The following DPYD variants were observed in gnomAD, a reference collection of about 807,000 sequenced individuals.
The protein encoded by DPYD is dihydropyrimidine dehydrogenase [NADP(+)].
DPYD carries 109 observed loss-of-function variants against 116.2 expected under a neutral mutation model. The ratio of observed to expected loss-of-function variants is 0.94; its 90% confidence interval spans 0.80 to 1.10. The LOEUF (loss-of-function observed/expected upper bound fraction) is 1.10, where lower values mean the gene tolerates loss of function less well. Ranked by LOEUF, DPYD falls within the 50% of genes least tolerant of loss-of-function variation. The probability of loss-of-function intolerance (pLI) is 0.00; values close to 1 mark genes in which losing one functional copy is unlikely to be tolerated. For missense variants in DPYD, 1,302 were observed against 1,254.5 expected, an observed-to-expected ratio of 1.04 and a Z score of -0.57; for synonymous variants, 440 against 432.0, an observed-to-expected ratio of 1.02 and a Z score of -0.23.
chr1:97,724,975 G>GAGAGAC (rs1663159349), intron 4 of DPYD, among the ~76,000 whole-genome samples: 1 of 150,370 alleles, frequency 6.7e-6, no homozygotes, highest in Non-Finnish European at 1.5e-5. Context: ...GAGAGAGAGA[G>GAGAGAC]AGAGAGAGAG....
At chr1:97,502,572 G>A (rs1679642832) in intron 13 of DPYD, among the ~76,000 whole-genome samples, 1 of 152,008 alleles carries the variant, frequency 6.6e-6, no homozygotes, top group Admixed American at 6.6e-5. Context: ...GATTTAAGAT[G>A]TCAAAGTCCA....
intron 1 of DPYD, among the ~76,000 whole-genome samples, chr1:97,912,757 A>G (rs558016114): frequency 2.0e-5 from 3 of 152,264 alleles, no homozygotes; most frequent in African/African-American, 4.8e-5. Flanking sequence ...ACGGTAACAC[A>G]CGTTACCCCT....
intron 3 of DPYD, among the ~76,000 whole-genome samples, chr1:97,826,897 C>T (rs570810167): frequency 6.6e-6 from 1 of 152,122 alleles, no homozygotes; most frequent in Non-Finnish European, 1.5e-5. Context: ...GGTAATTTCT[C>T]ATACTAGTAA....
intron 11 of DPYD, among the ~76,000 whole-genome samples, chr1:97,562,437 G>A (rs1652216200): frequency 6.6e-6 from 1 of 151,906 alleles, no homozygotes; most frequent in Non-Finnish European, 1.5e-5. Context: ...TACTTGTATG[G>A]AAAAAATGGT....
chr1:97,790,788 C>A (rs1667282046), intron 3 of DPYD, among the ~76,000 whole-genome samples: 1 of 151,832 alleles, frequency 6.6e-6, no homozygotes, highest in Non-Finnish European at 1.5e-5. Flanking sequence ...CTGTTGAGTT[C>A]AAAAGATTCA....
intron 2 of DPYD, among the ~76,000 whole-genome samples, chr1:97,883,056 C>A (rs1431888076): frequency 6.6e-6 from 1 of 151,734 alleles, no homozygotes; most frequent in Non-Finnish European, 1.5e-5. Flanking sequence ...GTTACTCAAC[C>A]TGTATATAAT....
chr1:97,886,212 T>G (rs1672477528), intron 1 of DPYD, among the ~76,000 whole-genome samples: 1 of 152,016 alleles, frequency 6.6e-6, no homozygotes. Context: ...CAGATGGGTA[T>G]AGCTCAAAAC....
intron 16 of DPYD, among the ~76,000 whole-genome samples, chr1:97,359,042 C>A (rs745325787): frequency 1.3e-5 from 2 of 152,002 alleles, no homozygotes; most frequent in Admixed American, 6.6e-5. Flanking sequence ...TCGAACCCAT[C>A]GCAAGGAAGC....
At chr1:97,733,969 C>T (rs1663780524) in intron 4 of DPYD, among the ~76,000 whole-genome samples, 1 of 151,920 alleles carries the variant, frequency 6.6e-6, no homozygotes, top group Non-Finnish European at 1.5e-5. Context: ...TTTGCCTATG[C>T]CTGCACTGAG....
At chr1:97,152,439 TACAC>T (rs71590217) in intron 20 of DPYD, among the ~76,000 whole-genome samples, 31,986 of 145,164 alleles carry the variant, frequency 0.22, 4,033 homozygotes, top group Middle Eastern at 0.34. Context: ...CTGAATCACA[TACAC>T]ACACACACAC....
At chr1:97,384,592 T>C (rs938664235) in intron 14 of DPYD, among the ~76,000 whole-genome samples, 4 of 151,752 alleles carry the variant, frequency 2.6e-5, no homozygotes, top group Non-Finnish European at 2.9e-5. Context: ...GTTAGAGAAG[T>C]GAAAAATAAA....
intron 14 of DPYD, among the ~76,000 whole-genome samples, chr1:97,396,624 G>C (rs1007029988): frequency 2.0e-5 from 3 of 151,946 alleles, no homozygotes; most frequent in African/African-American, 7.2e-5. Context: ...GCATGTTAAG[G>C]GCTGATGATA....
At position 97,593,178 on chromosome 1, in the gene DPYD, T is replaced by C. The variant is rs186163774; in HGVS notation, c.1128+40A>G. ...TAACAGTTTCATCTCCTAAAATCTG[T>C]TGGAGTACAACTCCATATTTTCTGA... is the stretch of plus-strand genomic sequence containing the variant. On this transcript the variant is annotated intron_variant, in intron 10 of 22. Transcript: ENST00000370192. 10 of 1,594,250 alleles carry C rather than the reference T, an allele frequency of 6.3e-6. No individual in the cohort carries two copies. In the African/African-American group the frequency reaches 8.0e-5, roughly 13 times the overall value.
chr1:97,920,779 T>G (rs1214295009), intron 1 of DPYD, 105 bp downstream of exon 1: 1 of 1,462,112 alleles, frequency 6.8e-7, no homozygotes, highest in Non-Finnish European at 9.3e-7. Flanking sequence ...TTCCCGCGTC[T>G]CTCACTCTCC....
chr1:97,608,745 T>C (rs933650400), intron 8 of DPYD, among the ~76,000 whole-genome samples: 5 of 151,678 alleles, frequency 3.3e-5, no homozygotes, highest in Non-Finnish European at 5.9e-5. Context: ...TACATTAATA[T>C]GCATTTAATA....
chr1:97,823,316 G>A (rs372549435), intron 3 of DPYD, among the ~76,000 whole-genome samples: 57 of 152,068 alleles, frequency 3.7e-4, no homozygotes, highest in African/African-American at 1.3e-3. Flanking sequence ...CACCATACCC[G>A]GCTAATTTTT....
intron 3 of DPYD, among the ~76,000 whole-genome samples, chr1:97,815,201 T>A (rs564555525): frequency 6.6e-6 from 1 of 152,264 alleles, no homozygotes; most frequent in South Asian, 2.1e-4. Context: ...AGTGGCTAAG[T>A]CAAGTGTCTC....
rs115887348 is a variant in DPYD at position 97,102,283 on chromosome 1, C to T, written c.2623-3651G>A. On this transcript the variant is annotated intron_variant, in intron 20 of 22. Coordinates refer to ENST00000370192, the MANE Select transcript of DPYD (RefSeq NM_000110.4). ...AACTTTATTTTCTTAATCACACTCT[C>T]TTATCTAATTGGAAACCATAACAAG... Among the ~76,000 whole-genome samples, 609 of 151,154 alleles carry T rather than the reference C, an allele frequency of 4.0e-3. 5 individuals are homozygous for T. The highest frequency in any genetic ancestry group is 0.014 in the African/African-American group (582 of 41,358).
At chr1:97,888,946 C>T (rs1280828656) in intron 1 of DPYD, among the ~76,000 whole-genome samples, 2 of 152,072 alleles carry the variant, frequency 1.3e-5, no homozygotes, top group African/African-American at 4.8e-5. Context: ...TCACCAAGGT[C>T]AGGAGTTCAA....
Sources: allele counts gnomAD v4.1 joint callset (sites outside exome capture counted in the v4.1 genomes callset), GRCh38; gene constraint gnomAD v4.1.1; transcripts MANE v1.5; gene names NCBI Gene and HGNC (gene_info 2026-07-23, HGNC 2026-07-21).